SUMF1: variants seen among roughly 807,000 people sequenced by gnomAD.
SUMF1 encodes formylglycine-generating enzyme.
In SUMF1, 48 loss-of-function variants were observed where a neutral mutation model predicts 47.6. That is an observed-to-expected ratio of 1.01 (90% CI 0.80 to 1.28). The LOEUF (loss-of-function observed/expected upper bound fraction) is 1.28, where lower values mean the gene tolerates loss of function less well. Ranked by LOEUF, SUMF1 falls within the 50% of genes most tolerant of loss-of-function variation. The pLI is 0.00. For synonymous variants in SUMF1, 230 were observed against 192.1 expected (o/e 1.20, Z -1.63); for missense variants, 571 against 485.4 (o/e 1.18, Z -1.66).
At chr3:4,321,470 TAAAA>T (rs1206478992) in intron 8 of SUMF1, among the ~76,000 whole-genome samples, 2 of 63,742 alleles carry the variant, frequency 3.1e-5, no homozygotes, top group South Asian at 1.2e-3. Context: ...AAGGAAATGC[TAAAA>T]AAAAAAAAAA....
chr3:4,317,755 C>T (rs185934024), intron 8 of SUMF1, among the ~76,000 whole-genome samples: 1 of 152,284 alleles, frequency 6.6e-6, no homozygotes, highest in African/African-American at 2.4e-5. Context: ...GAACAAATCA[C>T]TGAACCTTTC....
intron 8 of SUMF1, among the ~76,000 whole-genome samples, chr3:4,355,471 T>C (rs1012394782): frequency 4.6e-5 from 7 of 151,816 alleles, no homozygotes; most frequent in Non-Finnish European, 1.0e-4. Flanking sequence ...CAGAGAAAAA[T>C]TGTGGACTTT....
rs374945651 is a variant in SUMF1 at position 4,376,406 on chromosome 3, A to C, written c.955-17T>G. 333 of 1,613,850 alleles carry C rather than the reference A, an allele frequency of 2.1e-4. No homozygotes were observed. Among genetic ancestry groups the C allele is most frequent in the Non-Finnish European group, 1.8e-4 (210 of 1,179,880 alleles). ...GGGACCTTTCTACAGATGAAGAAAA[A>C]AGGCTATGTTAGACCAGAAGGCAAA... On this transcript the variant is annotated splice_polypyrimidine_tract_variant and intron_variant, in intron 7 of 8. Transcript: ENST00000272902.
intron 8 of SUMF1, among the ~76,000 whole-genome samples, chr3:4,284,529 T>A (rs1697594308): frequency 6.6e-6 from 1 of 151,750 alleles, no homozygotes; most frequent in Non-Finnish European, 1.5e-5. Flanking sequence ...TGCTTTTCCA[T>A]TCTGCTACAG....
chr3:4,117,770 T>C (rs1693455256), intron 8 of SUMF1, among the ~76,000 whole-genome samples: 1 of 152,118 alleles, frequency 6.6e-6, no homozygotes, highest in South Asian at 2.1e-4. Context: ...TGATTTCTCA[T>C]GCTGGTTTTC....
chr3:4,286,132 G>GT (rs1270990220), intron 8 of SUMF1, among the ~76,000 whole-genome samples: 9 of 152,080 alleles, frequency 5.9e-5, no homozygotes, highest in Admixed American at 6.5e-5. Flanking sequence ...AAATTGTTTA[G>GT]TTTTTTCTCT....
chr3:4,142,966 A>G (rs1177039994), intron 8 of SUMF1, among the ~76,000 whole-genome samples: 3 of 152,074 alleles, frequency 2.0e-5, no homozygotes, highest in East Asian at 1.9e-4. Context: ...GACTCAATCA[A>G]TAGAAATGTG....
chr3:4,241,423 T>G (rs1696535336), intron 8 of SUMF1, among the ~76,000 whole-genome samples: 3 of 152,052 alleles, frequency 2.0e-5, no homozygotes, highest in Non-Finnish European at 2.9e-5. Flanking sequence ...AGGCCCAAGT[T>G]TAAGTCCCAG....
In SUMF1 at chr3:4,362,188, G is replaced by T. The variant is rs370960768; in HGVS notation, c.1081C>A (p.Leu361Met). Residue 361 changes from leucine (L) to methionine (M), a missense_variant, in exon 9 of 9, where the codon CTG becomes ATG. Physicochemically the swap from Leu to Met is conservative, Grantham distance 15. Transcript: ENST00000272902. ...CGGTCGGCTGCACAGCGGAATCCCAGATTCGAAGCAGAGCTATCAGGTGTG... is the reference window on the plus strand; with the variant it reads ...CGGTCGGCTGCACAGCGGAATCCCATATTCGAAGCAGAGCTATCAGGTGTG... ...QNTPDSSASNLGFRCAADRLP... is the reference protein window; with the variant it reads ...QNTPDSSASNMGFRCAADRLP... 2 of 1,614,094 alleles carry T rather than the reference G, an allele frequency of 1.2e-6. No individual in the cohort carries two copies. Among genetic ancestry groups the T allele is most frequent in the African/African-American group, 1.3e-5 (1 of 74,948 alleles).
intron 8 of SUMF1, among the ~76,000 whole-genome samples, chr3:4,075,585 A>T (rs1416148530): frequency 6.6e-6 from 1 of 152,148 alleles, no homozygotes; most frequent in Admixed American, 6.6e-5. Flanking sequence ...ATATATTTAG[A>T]AAACCCCATC....
At chr3:4,040,906 C>G (rs1164226958) in intron 9 of SUMF1, among the ~76,000 whole-genome samples, 1 of 152,104 alleles carries the variant, frequency 6.6e-6, no homozygotes, top group Non-Finnish European at 1.5e-5. Context: ...TCCCCATAAC[C>G]AAAAGTGTTC....
intron 6 of SUMF1, among the ~76,000 whole-genome samples, chr3:4,413,107 C>A (rs536557616): frequency 5.4e-4 from 82 of 152,096 alleles, no homozygotes; most frequent in African/African-American, 1.8e-3. Context: ...CAGGCTCAAG[C>A]GATCCTCTCA....
chr3:4,109,974 G>A (rs1693253601), intron 8 of SUMF1, among the ~76,000 whole-genome samples: 1 of 152,134 alleles, frequency 6.6e-6, no homozygotes, highest in Non-Finnish European at 1.5e-5. Context: ...GTGAGGAGCT[G>A]CGTTCCTTTG....
At chr3:4,301,776 T>A (rs1354196959) in intron 8 of SUMF1, among the ~76,000 whole-genome samples, 3 of 152,168 alleles carry the variant, frequency 2.0e-5, no homozygotes, top group African/African-American at 7.2e-5. Context: ...TATTTTGAGT[T>A]TGAGGAGCCT....
intron 8 of SUMF1, among the ~76,000 whole-genome samples, chr3:4,254,899 G>A (rs1696908067): frequency 6.6e-6 from 1 of 152,180 alleles, no homozygotes; most frequent in African/African-American, 2.4e-5. Context: ...AAGCCCATCA[G>A]ACTTACAGCG....
chr3:4,329,335 T>C (rs185710656), intron 8 of SUMF1, among the ~76,000 whole-genome samples: 102 of 152,354 alleles, frequency 6.7e-4, no homozygotes, highest in Middle Eastern at 6.8e-3. Flanking sequence ...GCTCTGCCCC[T>C]GCAGCATACT....
In SUMF1 at chr3:4,217,514, T is replaced by TATA. The variant is rs1553610066; in HGVS notation, c.1015-148770_1015-148769insTAT. On this transcript the variant is annotated intron_variant and NMD_transcript_variant, in intron 8 of 12. Transcript: ENST00000448413. ...TGTATCCCAGAACTTAAAGTATTTT[T>TATA]TATATATATATATATATATATATAT... is the stretch of plus-strand genomic sequence containing the variant. 4.2e-3 allele frequency among the ~76,000 whole-genome samples: 189 copies of TATA among 45,188 alleles called. 41 individuals carry two copies. Among genetic ancestry groups the TATA allele is most frequent in the African/African-American group, 0.015 (141 of 9,634 alleles). 29.6% of individuals were successfully genotyped at this position (45,188 alleles called of 152,430 possible).
intron 8 of SUMF1, chr3:4,316,560 GATA>G: frequency 6.4e-7 from 1 of 1,555,178 alleles, no homozygotes; most frequent in South Asian, 1.2e-5. Context: ...GAAAAAGCTC[GATA>G]AGTGGGTGCC....
chr3:4,073,091 T>G (rs540095556), intron 8 of SUMF1, among the ~76,000 whole-genome samples: 2 of 152,172 alleles, frequency 1.3e-5, no homozygotes, highest in Non-Finnish European at 2.9e-5. Context: ...GAGAGAAACG[T>G]TGGGTTACCC....
Sources: allele counts gnomAD v4.1 joint callset (sites outside exome capture counted in the v4.1 genomes callset), GRCh38; gene constraint gnomAD v4.1.1; transcripts MANE v1.5; gene names NCBI Gene and HGNC (gene_info 2026-07-23, HGNC 2026-07-21).